PRKG1: variants seen among roughly 807,000 people sequenced by gnomAD.
The protein encoded by PRKG1 is protein kinase cGMP-dependent 1.
PRKG1 carries 35 observed loss-of-function variants against 88.1 expected under a neutral mutation model. The observed-to-expected ratio is 0.40, with a 90% CI of 0.30 to 0.53. The LOEUF (loss-of-function observed/expected upper bound fraction) is 0.53, where lower values mean the gene tolerates loss of function less well. Ranked by LOEUF, PRKG1 falls within the 20% of genes least tolerant of loss-of-function variation. PRKG1 has a pLI of 0.59. For missense variants in PRKG1, 540 were observed against 839.8 expected (o/e 0.64, Z 4.41); for synonymous variants, 303 against 292.5 (o/e 1.04, Z -0.37).
chr10:51,450,332 G>T (rs1280554387), intron 2 of PRKG1, among the ~76,000 whole-genome samples: 1 of 151,896 alleles, frequency 6.6e-6, no homozygotes, highest in Non-Finnish European at 1.5e-5. Context: ...TTTCTAAGCA[G>T]TGTATATAAT....
At chr10:51,833,689 T>C (rs1840058868) in intron 4 of PRKG1, among the ~76,000 whole-genome samples, 1 of 152,212 alleles carries the variant, frequency 6.6e-6, no homozygotes, top group South Asian at 2.1e-4. Context: ...TTATCATTTA[T>C]TTGTGGTGAG....
chr10:51,158,367 G>A (rs1184629701), intron 2 of PRKG1, among the ~76,000 whole-genome samples: 4 of 151,726 alleles, frequency 2.6e-5, no homozygotes, highest in Admixed American at 6.6e-5. Context: ...AGGAATGTGC[G>A]GTGCTAACTT....
intron 2 of PRKG1, among the ~76,000 whole-genome samples, chr10:51,170,531 G>A (rs1162890672): frequency 6.6e-6 from 1 of 151,720 alleles, no homozygotes; most frequent in Admixed American, 6.6e-5. Context: ...GTGACATGTG[G>A]GATGGGGAAG....
Position 51,434,060 on chromosome 10 carries a change from G to T in PRKG1, c.479-33663G>T, listed in dbSNP as rs151319932. 4.2e-3 allele frequency among the ~76,000 whole-genome samples: 640 copies of T among 152,236 alleles called. 4 individuals are homozygous for T. The highest frequency in any genetic ancestry group is 0.015 in the African/African-American group (608 of 41,550). ...GCCTGGTTTTCTGACACCAAGTCCA[G>T]AATGCTTTTCCCCAGTGCATTGCAA... On this transcript the variant is annotated intron_variant, in intron 2 of 17. Transcript: ENST00000373980.
At chr10:51,647,695 G>A (rs1839947549) in intron 3 of PRKG1, among the ~76,000 whole-genome samples, 1 of 152,056 alleles carries the variant, frequency 6.6e-6, no homozygotes, top group Non-Finnish European at 1.5e-5. Flanking sequence ...GATTTTTTAA[G>A]TCACTTGGTC....
At chr10:51,301,214 C>G (rs183976739) in intron 2 of PRKG1, among the ~76,000 whole-genome samples, 1 of 152,120 alleles carries the variant, frequency 6.6e-6, no homozygotes, top group East Asian at 1.9e-4. Context: ...TCTGCTTAAG[C>G]CCCATGCTGA....
At chr10:51,373,910 G>A (rs1166587766) in intron 2 of PRKG1, among the ~76,000 whole-genome samples, 4 of 151,178 alleles carry the variant, frequency 2.6e-5, no homozygotes, top group Admixed American at 6.6e-5. Flanking sequence ...TTGGGAGGCC[G>A]AGGCAGGTGT....
intron 2 of PRKG1, among the ~76,000 whole-genome samples, chr10:51,307,281 G>A (rs983001508): frequency 2.6e-5 from 4 of 152,012 alleles, no homozygotes; most frequent in African/African-American, 9.7e-5. Context: ...TCCAGATACT[G>A]CCCTTAGCTT....
intron 3 of PRKG1, among the ~76,000 whole-genome samples, chr10:51,802,760 T>G (rs554440564): frequency 6.6e-6 from 1 of 151,980 alleles, no homozygotes; most frequent in Non-Finnish European, 1.5e-5. Flanking sequence ...GAGAAACAGA[T>G]AGAAAAAAGC....
chr10:51,101,284 A>G (rs763344839), intron 1 of PRKG1, among the ~76,000 whole-genome samples: 3 of 152,156 alleles, frequency 2.0e-5, no homozygotes, highest in Non-Finnish European at 4.4e-5. Flanking sequence ...CTCTTTCCTT[A>G]CCATGTACGG....
At chr10:51,373,681 G>C (rs1252264177) in intron 2 of PRKG1, among the ~76,000 whole-genome samples, 1 of 152,086 alleles carries the variant, frequency 6.6e-6, no homozygotes, top group Non-Finnish European at 1.5e-5. Flanking sequence ...TTTTAAAAAT[G>C]TGGTACATAC....
At chr10:51,668,427 A>G (rs1326566309) in intron 3 of PRKG1, among the ~76,000 whole-genome samples, 1 of 152,222 alleles carries the variant, frequency 6.6e-6, no homozygotes, top group Non-Finnish European at 1.5e-5. Context: ...TTTTGTTTTG[A>G]GACAGGGTCT....
At chr10:52,110,540 A>T (rs1847538756) in intron 7 of PRKG1, among the ~76,000 whole-genome samples, 1 of 152,072 alleles carries the variant, frequency 6.6e-6, no homozygotes. Context: ...TGAGAAATTG[A>T]GGCATGTTGT....
intron 3 of PRKG1, among the ~76,000 whole-genome samples, chr10:51,566,062 T>C (rs1166706797): frequency 2.6e-5 from 4 of 152,076 alleles, no homozygotes. Context: ...AAGAGTAAAG[T>C]AATTAATATA....
At chr10:52,038,891 G>C (rs1377335865) in intron 5 of PRKG1, among the ~76,000 whole-genome samples, 2 of 152,152 alleles carry the variant, frequency 1.3e-5, no homozygotes, top group African/African-American at 2.4e-5. Flanking sequence ...GGGAGAGATT[G>C]AAGAGTGGAA....
intron 2 of PRKG1, among the ~76,000 whole-genome samples, chr10:51,305,698 T>A (rs750763720): frequency 5.3e-5 from 8 of 152,156 alleles, no homozygotes; most frequent in Non-Finnish European, 1.0e-4. Context: ...ATAGGATTCC[T>A]TTTTCCTCTG....
intron 1 of PRKG1, among the ~76,000 whole-genome samples, chr10:51,019,344 A>G (rs1024783109): frequency 4.6e-5 from 7 of 152,192 alleles, no homozygotes; most frequent in South Asian, 2.1e-4. Flanking sequence ...AATAAATAAG[A>G]TGTATGATCA....
chr10:51,834,052 G>A (rs974094502), intron 4 of PRKG1, among the ~76,000 whole-genome samples: 3 of 152,048 alleles, frequency 2.0e-5, no homozygotes, highest in Admixed American at 6.6e-5. Context: ...TCTTTTTAGG[G>A]CTAAATAGTA....
At chr10:51,261,952 G>A (rs919936190) in intron 2 of PRKG1, among the ~76,000 whole-genome samples, 1 of 143,346 alleles carries the variant, frequency 7.0e-6, no homozygotes, top group Non-Finnish European at 1.5e-5. Flanking sequence ...TGGTGCAATC[G>A]CTCGGCTCAC....
Sources: gnomAD v4.1 joint callset for allele counts (sites outside exome capture counted in the v4.1 genomes callset) on GRCh38, gnomAD v4.1.1 for gene constraint, MANE v1.5 for transcripts, NCBI Gene and HGNC (gene_info 2026-07-23, HGNC 2026-07-21) for gene names.